WARS2: variants seen among roughly 807,000 people sequenced by gnomAD.
The protein encoded by WARS2 is tryptophan--tRNA ligase, mitochondrial.
In WARS2, 28 loss-of-function variants were observed where a neutral mutation model predicts 36.5. The ratio of observed to expected loss-of-function variants is 0.77; its 90% CI spans 0.57 to 1.05. The LOEUF is 1.05. WARS2 is among the 50% of genes least tolerant of loss of function. The pLI, the probability that WARS2 is intolerant of heterozygous loss-of-function variation, is 0.00. For synonymous variants in WARS2, 174 were observed against 178.4 expected (o/e 0.98, Z 0.20); for missense variants, 435 against 456.8 (o/e 0.95, Z 0.44).
intron 2 of WARS2, among the ~76,000 whole-genome samples, chr1:119,056,186 A>ATTTTT (rs751264352): frequency 8.6e-6 from 1 of 116,174 alleles, no homozygotes; most frequent in African/African-American, 3.3e-5. Context: ...TGCCTGGCTA[A>ATTTTT]TTTTTTTTTT....
In WARS2 at chr1:119,124,083, T is replaced by C. The variant is rs587658100; in HGVS notation, c.90+16472A>G. 2.2e-4 allele frequency among the ~76,000 whole-genome samples: 33 copies of C among 152,356 alleles called. No homozygotes were observed. In the South Asian group the frequency reaches 5.2e-3, roughly 24 times the overall value. On this transcript the variant is annotated intron_variant, in intron 1 of 5. Transcript: ENST00000235521. ...TGCATTATTTTGTGTCTCAGTAAAT[T>C]GCAAATTCATTCTTCCAGTTGCTCT...
intron 2 of WARS2, among the ~76,000 whole-genome samples, chr1:119,076,061 A>G (rs1392853535): frequency 6.6e-6 from 1 of 152,242 alleles, no homozygotes; most frequent in Non-Finnish European, 1.5e-5. Flanking sequence ...CCAGCATAGC[A>G]AAACAATTCC....
At chr1:119,128,523 G>A (rs1017946383) in intron 1 of WARS2, among the ~76,000 whole-genome samples, 2 of 151,698 alleles carry the variant, frequency 1.3e-5, no homozygotes, top group Non-Finnish European at 2.9e-5. Flanking sequence ...TTTTCCCCAG[G>A]GTTTGAACTG....
At chr1:119,105,810 C>CT (rs1183449557) in intron 1 of WARS2, among the ~76,000 whole-genome samples, 1 of 152,074 alleles carries the variant, frequency 6.6e-6, no homozygotes, top group Non-Finnish European at 1.5e-5. Flanking sequence ...ACTAGGAAGG[C>CT]TGAGGCAGAG....
At chr1:119,134,112 G>A (rs1269086454) in intron 1 of WARS2, among the ~76,000 whole-genome samples, 1 of 151,666 alleles carries the variant, frequency 6.6e-6, no homozygotes, top group African/African-American at 2.4e-5. Context: ...GGGATAATAA[G>A]CAACCTAACC....
chr1:119,070,807 T>C (rs1651246054), intron 2 of WARS2, among the ~76,000 whole-genome samples: 1 of 152,104 alleles, frequency 6.6e-6, no homozygotes, highest in African/African-American at 2.4e-5. Flanking sequence ...CTGAAAATGA[T>C]ATGATTATTT....
chr1:119,067,811 AT>A (rs57828460), intron 2 of WARS2, among the ~76,000 whole-genome samples: 226 of 146,244 alleles, frequency 1.5e-3, no homozygotes, highest in African/African-American at 3.6e-3. Flanking sequence ...CAAAGCCTCT[AT>A]TTTTTTTTTT....
At chr1:119,123,158 T>C (rs950710483) in intron 1 of WARS2, among the ~76,000 whole-genome samples, 3 of 152,214 alleles carry the variant, frequency 2.0e-5, no homozygotes, top group Non-Finnish European at 4.4e-5. Flanking sequence ...GAAACAAAGT[T>C]AGGCACATTA....
At chr1:119,083,881 T>C (rs964866514) in intron 1 of WARS2, among the ~76,000 whole-genome samples, 1 of 152,220 alleles carries the variant, frequency 6.6e-6, no homozygotes, top group African/African-American at 2.4e-5. Context: ...TGTCATATTC[T>C]TGCCATAACA....
chr1:119,053,926 A>C (rs1649565862), intron 2 of WARS2, among the ~76,000 whole-genome samples: 1 of 152,006 alleles, frequency 6.6e-6, no homozygotes, highest in African/African-American at 2.4e-5. Context: ...GCATAGAGGT[A>C]TGTACCTGTA....
chr1:119,056,409 C>T (rs1210478551), intron 2 of WARS2, among the ~76,000 whole-genome samples: 3 of 150,762 alleles, frequency 2.0e-5, no homozygotes, highest in East Asian at 3.9e-4. Flanking sequence ...GGCTTTCCTT[C>T]TTTCTTTTGG....
chr1:119,033,051 C>T lies in WARS2; in HGVS notation c.943G>A (p.Ala315Thr). ...AVADAVIEKF[A>T]PIKREIEKLK... The stretch of plus-strand genomic sequence containing the variant: ...TTTTCAATTTCACGCTTAATTGGGG[C>T]AAACTTCTCAATCACAGCATCTGCC... Residue 315 changes from alanine to threonine, a missense_variant, in exon 6 of 6, where the codon GCC becomes ACC. Transcript: ENST00000235521. 1 of 1,614,250 alleles carries T rather than the reference C, an allele frequency of 6.2e-7. No individual in the cohort carries two copies. Among genetic ancestry groups the T allele is most frequent in the South Asian group, 1.1e-5 (1 of 91,088 alleles).
chr1:119,085,965 C>T, intron 1 of WARS2: 3 of 1,609,462 alleles, frequency 1.9e-6, no homozygotes, highest in Non-Finnish European at 1.7e-6. Context: ...CTCCACGGGC[C>T]CAAACTCAGC....
At chr1:119,044,287 G>A (rs1207470258) in intron 3 of WARS2, among the ~76,000 whole-genome samples, 1 of 152,184 alleles carries the variant, frequency 6.6e-6, no homozygotes, top group Non-Finnish European at 1.5e-5. Flanking sequence ...ACATGCACTA[G>A]TAATATACTA....
chr1:119,126,156 C>A (rs1312470626), intron 1 of WARS2, among the ~76,000 whole-genome samples: 1 of 151,900 alleles, frequency 6.6e-6, no homozygotes, highest in Non-Finnish European at 1.5e-5. Context: ...TCCCGAGCAA[C>A]CTCAACTCCC....
rs76854133 is a variant in WARS2 at position 119,061,280 on chromosome 1, G to A, written c.348+15070C>T. Reference sequence around the variant, plus strand: ...ATTTAATTAGCAAAAATTTTGAAGCGATTATTACAACTATGCTTAAAGATA... The same window carrying A: ...ATTTAATTAGCAAAAATTTTGAAGCAATTATTACAACTATGCTTAAAGATA... On this transcript the variant is annotated intron_variant, in intron 2 of 5. Transcript: ENST00000235521. Among the ~76,000 whole-genome samples, 706 of 152,106 alleles carry A rather than the reference G, an allele frequency of 4.6e-3. 8 individuals are homozygous for A. Among genetic ancestry groups the A allele is most frequent in the African/African-American group, 0.016 (676 of 41,504 alleles).
chr1:119,095,985 TTTAGTGGCA>T (rs1227682125), intron 1 of WARS2, among the ~76,000 whole-genome samples: 1 of 152,202 alleles, frequency 6.6e-6, no homozygotes, highest in Non-Finnish European at 1.5e-5. Context: ...TCCACTCATG[TTTAGTGGCA>T]CCATCATGGT....
At chr1:119,103,085 CTTTA>C (rs1389035366) in intron 1 of WARS2, among the ~76,000 whole-genome samples, 2 of 152,178 alleles carry the variant, frequency 1.3e-5, no homozygotes, top group South Asian at 2.1e-4. Flanking sequence ...AGAGAGCTTA[CTTTA>C]TTTATCTGAT....
chr1:119,096,463 T>A (rs917569062), intron 1 of WARS2, among the ~76,000 whole-genome samples: 2 of 152,180 alleles, frequency 1.3e-5, no homozygotes, highest in Non-Finnish European at 2.9e-5. Flanking sequence ...ATTTTATTTT[T>A]ATATATTTTA....
Sources: gnomAD v4.1 joint callset for allele counts (sites outside exome capture counted in the v4.1 genomes callset) on GRCh38, gnomAD v4.1.1 for gene constraint, MANE v1.5 for transcripts, NCBI Gene and HGNC (gene_info 2026-07-23, HGNC 2026-07-21) for gene names.